The following ASAP1 variants were observed in gnomAD, a reference collection of about 807,000 sequenced individuals.
ASAP1 encodes ArfGAP with SH3 domain, ankyrin repeat and PH domain 1.
In ASAP1, 43 loss-of-function variants were observed where a neutral mutation model predicts 145.2. The observed-to-expected ratio is 0.30, with a 90% CI of 0.23 to 0.38. ASAP1 has a LOEUF of 0.38. Among genes scored for constraint, ASAP1 ranks in the 10% least tolerant of loss-of-function variants. The pLI is 1.00. For synonymous variants in ASAP1, 546 were observed against 515.5 expected, an observed-to-expected ratio of 1.06 and a Z score of -0.80; for missense variants, 1,018 against 1,355.3, an observed-to-expected ratio of 0.75 and a Z score of 3.91.
intron 3 of ASAP1, among the ~76,000 whole-genome samples, chr8:130,248,423 A>C (rs1818988877): frequency 6.6e-6 from 1 of 152,184 alleles, no homozygotes; most frequent in Non-Finnish European, 1.5e-5. Flanking sequence ...CTTGTTGTTA[A>C]GAAGCATCAG....
At chr8:130,107,495 CTTT>C (rs764936248) in intron 24 of ASAP1, among the ~76,000 whole-genome samples, 10 of 139,420 alleles carry the variant, frequency 7.2e-5, no homozygotes, top group African/African-American at 1.3e-4. Flanking sequence ...CATAGTCTCT[CTTT>C]TTTTTTTTTT....
At chr8:130,275,046 T>C (rs1820798420) in intron 3 of ASAP1, among the ~76,000 whole-genome samples, 1 of 152,262 alleles carries the variant, frequency 6.6e-6, no homozygotes. Context: ...GACCTTGAGC[T>C]ACTTCTCCAA....
intron 3 of ASAP1, among the ~76,000 whole-genome samples, chr8:130,240,932 C>A (rs1818488173): frequency 6.6e-6 from 1 of 152,110 alleles, no homozygotes; most frequent in Non-Finnish European, 1.5e-5. Flanking sequence ...AGAGGCACTA[C>A]ATGAGAGCTG....
intron 2 of ASAP1, among the ~76,000 whole-genome samples, chr8:130,387,147 A>C (rs1828055762): frequency 6.6e-6 from 1 of 152,232 alleles, no homozygotes; most frequent in Admixed American, 6.5e-5. Flanking sequence ...TGGGTATCCA[A>C]GGCTGCTGTT....
At chr8:130,268,534 C>CACAA (rs1210803966) in intron 3 of ASAP1, among the ~76,000 whole-genome samples, 27 of 145,686 alleles carry the variant, frequency 1.9e-4, no homozygotes, top group African/African-American at 6.5e-4. Context: ...CACACACACA[C>CACAA]AACTGTGTAA....
chr8:130,294,347 G>GGT (rs897783239), intron 3 of ASAP1, among the ~76,000 whole-genome samples: 1 of 152,184 alleles, frequency 6.6e-6, no homozygotes, highest in African/African-American at 2.4e-5. Context: ...GATTTCCCCT[G>GGT]GTGTACAGTC....
intron 12 of ASAP1, among the ~76,000 whole-genome samples, chr8:130,154,248 G>C (rs370632287): frequency 4.3e-4 from 65 of 152,296 alleles, no homozygotes; most frequent in African/African-American, 1.4e-3. Context: ...ACAAAGGGAA[G>C]TAAATGGTGA....
At chr8:130,150,205 T>C (rs531809842) in intron 13 of ASAP1, among the ~76,000 whole-genome samples, 1 of 152,346 alleles carries the variant, frequency 6.6e-6, no homozygotes, top group East Asian at 1.9e-4. Context: ...CCACAGTCCA[T>C]TATCTTAGCC....
At position 130,054,770 on chromosome 8, in the gene ASAP1, C is replaced by G. The variant is rs1321446694; in HGVS notation, c.3351G>C (p.Gly1117=). The change falls in exon 30 of 30, where the codon GGG becomes GGC. Residue 1117 remains glycine, a synonymous_variant. Coordinates refer to ENST00000518721, the MANE Select transcript of ASAP1 (RefSeq NM_018482.4). ...TATGAACAAAGGACACTGGAAAGAC[C>G]CCCTTCCTTTCAGGCTGTCCTTCGA... ...GHIEGQPERK[G]VFPVSFVHIL... is the part of the protein sequence containing the mutation. 1 of 1,613,720 alleles carries G rather than the reference C, an allele frequency of 6.2e-7. No homozygotes were observed. The highest frequency in any genetic ancestry group is 2.2e-5 in the East Asian group (1 of 44,880).
At chr8:130,073,294 G>A (rs1425976258) in intron 27 of ASAP1, among the ~76,000 whole-genome samples, 1 of 151,864 alleles carries the variant, frequency 6.6e-6, no homozygotes, top group African/African-American at 2.4e-5. Context: ...GGAGGCCGAG[G>A]CAGGAGAATC....
chr8:130,231,777 A>G (rs72722396), intron 4 of ASAP1, among the ~76,000 whole-genome samples: 5,298 of 152,330 alleles, frequency 0.035, 124 homozygotes, highest in Middle Eastern at 0.065. Context: ...TTCCATTTCT[A>G]AAAGTGCAGT....
chr8:130,145,231 C>T (rs1235085771), intron 13 of ASAP1, among the ~76,000 whole-genome samples: 2 of 152,204 alleles, frequency 1.3e-5, no homozygotes, highest in African/African-American at 4.8e-5. Context: ...TGCTATCCAA[C>T]AAGGGTACAT....
At chr8:130,252,397 AGATT>A (rs200691713) in intron 3 of ASAP1, among the ~76,000 whole-genome samples, 417 of 152,294 alleles carry the variant, frequency 2.7e-3, no homozygotes, top group African/African-American at 9.6e-3. Flanking sequence ...CAATATTAAA[AGATT>A]GATTCAGTAC....
At chr8:130,111,262 G>A (rs1174475962) in intron 24 of ASAP1, among the ~76,000 whole-genome samples, 2 of 149,714 alleles carry the variant, frequency 1.3e-5, no homozygotes, top group Non-Finnish European at 3.0e-5. Flanking sequence ...ACACACCTGT[G>A]GTTCCAGCTA....
intron 3 of ASAP1, among the ~76,000 whole-genome samples, chr8:130,300,145 CACACACACAGAGAGAG>C (rs1289176046): frequency 1.4e-4 from 15 of 107,454 alleles, no homozygotes; most frequent in East Asian, 2.9e-4. Flanking sequence ...CACACACACA[CACACACACAGAGAGAG>C]AGAGAGAGAG....
chr8:130,180,217 T>C (rs1307129623), intron 8 of ASAP1, among the ~76,000 whole-genome samples: 2 of 152,088 alleles, frequency 1.3e-5, no homozygotes, highest in African/African-American at 4.8e-5. Context: ...CAAAAGAAAC[T>C]CTTACTCAAC....
chr8:130,396,372 G>A (rs980385730), intron 2 of ASAP1, among the ~76,000 whole-genome samples: 2 of 152,112 alleles, frequency 1.3e-5, no homozygotes, highest in African/African-American at 4.8e-5. Context: ...TTAAAGGCAG[G>A]GAGGGAAAAA....
At chr8:130,251,822 A>G (rs1251420877) in intron 3 of ASAP1, among the ~76,000 whole-genome samples, 2 of 152,198 alleles carry the variant, frequency 1.3e-5, no homozygotes, top group Non-Finnish European at 2.9e-5. Context: ...ACATGGAACA[A>G]TAATAAAATG....
At chr8:130,417,517 G>T (rs984880732) in intron 1 of ASAP1, among the ~76,000 whole-genome samples, 7 of 152,028 alleles carry the variant, frequency 4.6e-5, no homozygotes, top group African/African-American at 1.7e-4. Context: ...ACAGTTCAGA[G>T]ATTGTTGTGA....
Sources: allele counts gnomAD v4.1 joint callset (sites outside exome capture counted in the v4.1 genomes callset), GRCh38; gene constraint gnomAD v4.1.1; transcripts MANE v1.5; gene names NCBI Gene and HGNC (gene_info 2026-07-23, HGNC 2026-07-21).